The following ERG variants were observed in gnomAD, a reference collection of about 807,000 sequenced individuals.
ERG encodes ETS transcription factor ERG.
In ERG, 9 loss-of-function variants were observed where a neutral mutation model predicts 55.3. The ratio of observed to expected loss-of-function variants is 0.16; its 90% CI spans 0.10 to 0.28. The LOEUF is 0.28. ERG is among the 10% of genes least tolerant of loss of function. ERG has a pLI of 1.00. For synonymous variants in ERG, 223 were observed against 237.3 expected (o/e 0.94, Z 0.55); for missense variants, 434 against 631.6 (o/e 0.69, Z 3.35).
chr21:38,531,580 T>C (rs943385802), intron 2 of ERG, among the ~76,000 whole-genome samples: 3 of 152,238 alleles, frequency 2.0e-5, no homozygotes, highest in African/African-American at 4.8e-5. Flanking sequence ...TTTAATTGTT[T>C]CATAAATCTG....
intron 1 of ERG, among the ~76,000 whole-genome samples, chr21:38,606,335 C>A (rs1482217137): frequency 1.3e-5 from 2 of 152,120 alleles, no homozygotes; most frequent in Non-Finnish European, 2.9e-5. Flanking sequence ...GATAGATAAA[C>A]TGATTCATGA....
rs2059990244 is a variant in ERG at position 38,575,651 on chromosome 21, A to G, written c.-41+11T>C. 1.9e-6 allele frequency: 3 copies of G among 1,611,054 alleles called. No homozygotes were observed. In the African/African-American group the frequency reaches 4.0e-5, roughly 22 times the overall value. ...AGGCAGAGCTGGCTTCCCAGCCAAGACGGGACTTACCTTGATATGAGCTGC... is the reference window on the plus strand; with the variant it reads ...AGGCAGAGCTGGCTTCCCAGCCAAGGCGGGACTTACCTTGATATGAGCTGC... On this transcript the variant is annotated intron_variant, in intron 2 of 8. Transcript: ENST00000398897.
intron 2 of ERG, among the ~76,000 whole-genome samples, chr21:38,538,949 T>G (rs1422494134): frequency 6.6e-6 from 1 of 152,084 alleles, no homozygotes; most frequent in Non-Finnish European, 1.5e-5. Flanking sequence ...CCAAGACAAC[T>G]AGGAAACCAG....
chr21:38,383,690 G>A lies in ERG; in HGVS notation c.1153C>T (p.Arg385Cys), dbSNP rs776452839. 1.2e-6 allele frequency: 2 copies of A among 1,614,156 alleles called. No homozygotes were observed. Among genetic ancestry groups the A allele is most frequent in the Admixed American group, 1.7e-5 (1 of 60,022 alleles). Residue 385 changes from arginine (R) to cysteine (C), a missense_variant, in exon 10 of 10, where the codon CGC becomes TGC. By Grantham distance (180) the Arg-to-Cys change is radical (BLOSUM62 -3). Coordinates refer to ENST00000288319, the MANE Select transcript of ERG (RefSeq NM_182918.4). This position sits in a 1 kb window ranked among gnomAD's most constrained non-coding sequence, Gnocchi z 5.7. ...KNIMTKVHGK[R>C]YAYKFDFHGI... ...TGGAAGTCGAACTTGTAGGCGTAGC[G>A]CTTCCCATGGACCTTGGTCATGATG...
intron 1 of ERG, among the ~76,000 whole-genome samples, chr21:38,455,565 G>A (rs2058980374): frequency 6.6e-6 from 1 of 152,140 alleles, no homozygotes; most frequent in Non-Finnish European, 1.5e-5. Context: ...TAAAAATACA[G>A]TGTGCTACGC....
intron 1 of ERG, among the ~76,000 whole-genome samples, chr21:38,451,458 T>A (rs1475673290): frequency 6.6e-6 from 1 of 152,296 alleles, no homozygotes; most frequent in East Asian, 1.9e-4. Context: ...TCTTAATGAG[T>A]ACTATGCAGG....
At chr21:38,655,250 T>C (rs1229745360) in intron 1 of ERG, among the ~76,000 whole-genome samples, 1 of 152,182 alleles carries the variant, frequency 6.6e-6, no homozygotes, top group Admixed American at 6.5e-5. Flanking sequence ...AGGGCCCTCA[T>C]AATAGCTTCT....
At chr21:38,537,758 T>C (rs115108420) in intron 2 of ERG, among the ~76,000 whole-genome samples, 1,527 of 152,268 alleles carry the variant, frequency 0.01, 37 homozygotes, top group African/African-American at 0.035. Context: ...TAAAAAACAG[T>C]CTAGTGATTC....
At chr21:38,486,682 C>T (rs1398636420) in intron 1 of ERG, among the ~76,000 whole-genome samples, 2 of 151,892 alleles carry the variant, frequency 1.3e-5, no homozygotes, top group Non-Finnish European at 2.9e-5. Context: ...GATAAGTAAC[C>T]AATAACAGCC....
chr21:38,541,763 A>C (rs2059754209), intron 2 of ERG, among the ~76,000 whole-genome samples: 1 of 152,240 alleles, frequency 6.6e-6, no homozygotes, highest in Non-Finnish European at 1.5e-5. Flanking sequence ...TCTTAAAAAC[A>C]GATATCCTGA....
At chr21:38,591,959 A>G (rs919437519) in intron 1 of ERG, among the ~76,000 whole-genome samples, 3 of 152,212 alleles carry the variant, frequency 2.0e-5, no homozygotes, top group African/African-American at 7.2e-5. Context: ...GAGCCAGTGG[A>G]GTAGAGGAGA....
chr21:38,626,635 T>C (rs2146950970), intron 1 of ERG, among the ~76,000 whole-genome samples: 1 of 152,260 alleles, frequency 6.6e-6, no homozygotes, highest in Middle Eastern at 3.4e-3. Flanking sequence ...CTTATTTTCA[T>C]AATCTGAGAA....
At chr21:38,650,030 G>C (rs180703627) in intron 1 of ERG, among the ~76,000 whole-genome samples, 14 of 152,268 alleles carry the variant, frequency 9.2e-5, no homozygotes, top group Admixed American at 3.3e-4. Context: ...GCTGCCTTAG[G>C]TGTAAAATTC....
At chr21:38,569,016 C>T (rs1293819402) in intron 2 of ERG, among the ~76,000 whole-genome samples, 1 of 152,192 alleles carries the variant, frequency 6.6e-6, no homozygotes, top group Non-Finnish European at 1.5e-5. Flanking sequence ...GGTGAAGGTG[C>T]AGACTACAGG....
In ERG at chr21:38,445,537, C is replaced by A; in HGVS notation, c.103G>T (p.Ala35Ser). Residue 35 changes from alanine (A) to serine (S), a missense_variant, in exon 2 of 10, where the codon GCG becomes TCG. Ala to Ser is a moderately conservative substitution (Grantham distance 99, BLOSUM62 1). Transcript: ENST00000288319. The stretch of plus-strand genomic sequence containing the variant: ...TGTCCATAGTCGCTGGAGGAGGACG[C>A]GGTCATCTCTGTCTTAGCCAGGTGT... ...TPHLAKTEMT[A>S]SSSSDYGQTS... The A allele has an allele frequency of 6.2e-7, 1 of 1,614,024 alleles. No individual in the cohort carries two copies. The highest frequency in any genetic ancestry group is 1.1e-5 in the South Asian group (1 of 91,068).
chr21:38,620,938 T>C (rs567574297), intron 1 of ERG, among the ~76,000 whole-genome samples: 5 of 152,386 alleles, frequency 3.3e-5, no homozygotes, highest in South Asian at 2.1e-4. Context: ...CATACTTTAC[T>C]CATGGCTTCC....
intron 2 of ERG, among the ~76,000 whole-genome samples, chr21:38,435,504 G>A (rs1990406609): frequency 6.6e-6 from 1 of 152,138 alleles, no homozygotes; most frequent in African/African-American, 2.4e-5. Context: ...ACAGCTGTGT[G>A]TTATTTTTAC....
At chr21:38,632,889 T>C (rs2060365770) in intron 1 of ERG, among the ~76,000 whole-genome samples, 1 of 152,192 alleles carries the variant, frequency 6.6e-6, no homozygotes, top group Admixed American at 6.5e-5. Flanking sequence ...CCCACTTCCG[T>C]GTCCATATAT....
chr21:38,547,792 T>C (rs2836507), intron 2 of ERG, among the ~76,000 whole-genome samples: 76,884 of 152,022 alleles, frequency 0.51, 20,767 homozygotes, highest in Non-Finnish European at 0.62. Context: ...CTGAATCTAA[T>C]AGGCCAACAA....
Sources: gnomAD v4.1 joint callset for allele counts (sites outside exome capture counted in the v4.1 genomes callset) on GRCh38, gnomAD v4.1.1 for gene constraint, Gnocchi (gnomAD v3.1) non-coding constraint, MANE v1.5 for transcripts, NCBI Gene and HGNC (gene_info 2026-07-23, HGNC 2026-07-21) for gene names.